IQSEC1: variants seen among roughly 807,000 people sequenced by gnomAD.
IQSEC1 encodes the protein IQ motif and Sec7 domain ArfGEF 1, also known as IQ motif and SEC7 domain-containing protein 1.
In IQSEC1, 31 loss-of-function variants were observed where a neutral mutation model predicts 91.0. The ratio of observed to expected loss-of-function variants is 0.34; its 90% confidence interval spans 0.26 to 0.46. The LOEUF is 0.46. Among genes scored for constraint, IQSEC1 ranks in the 20% least tolerant of loss-of-function variants. IQSEC1 has a pLI of 1.00. For missense variants in IQSEC1, 1,388 were observed against 1,575.6 expected, an observed-to-expected ratio of 0.88 and a Z score of 2.02; for synonymous variants, 699 against 662.6, an observed-to-expected ratio of 1.05 and a Z score of -0.84.
chr3:13,078,631 G>A (rs1273433498), intron 2 of IQSEC1, among the ~76,000 whole-genome samples: 1 of 152,116 alleles, frequency 6.6e-6, no homozygotes, highest in East Asian at 1.9e-4. Flanking sequence ...AGAGCTGCGT[G>A]AGTGCACACA....
At chr3:12,943,500 C>T (rs1417806422) in intron 1 of IQSEC1, among the ~76,000 whole-genome samples, 1 of 152,228 alleles carries the variant, frequency 6.6e-6, no homozygotes, top group East Asian at 1.9e-4. Context: ...TCACTCAACC[C>T]TGGGCTAGAA....
chr3:13,041,452 C>T (rs1178466296), intron 1 of IQSEC1, among the ~76,000 whole-genome samples: 3 of 152,166 alleles, frequency 2.0e-5, no homozygotes, highest in Non-Finnish European at 4.4e-5. Flanking sequence ...CAGAATTGCT[C>T]GTATGCTAAT....
chr3:13,154,319 A>T (rs1707046372), intron 2 of IQSEC1, among the ~76,000 whole-genome samples: 1 of 150,058 alleles, frequency 6.7e-6, no homozygotes, highest in Non-Finnish European at 1.5e-5. Context: ...GGCCTTCTGG[A>T]TCTTCCTCAG....
intron 1 of IQSEC1, among the ~76,000 whole-genome samples, chr3:13,220,109 C>T (rs1459062688): frequency 6.6e-6 from 1 of 152,226 alleles, no homozygotes; most frequent in Non-Finnish European, 1.5e-5. Context: ...CAGCTTTAGG[C>T]ACTTCAGTGC....
intron 8 of IQSEC1, among the ~76,000 whole-genome samples, chr3:12,914,459 G>A (rs1163297241): frequency 6.6e-6 from 1 of 152,198 alleles, no homozygotes; most frequent in Non-Finnish European, 1.5e-5. Flanking sequence ...TTAAGATGAG[G>A]GGGAAAATGT....
intron 2 of IQSEC1, among the ~76,000 whole-genome samples, chr3:13,081,394 A>G (rs1029886508): frequency 9.2e-5 from 14 of 152,170 alleles, no homozygotes; most frequent in Non-Finnish European, 1.0e-4. Flanking sequence ...TCGGCCTTCC[A>G]AAGTTCTGGG....
intron 1 of IQSEC1, among the ~76,000 whole-genome samples, chr3:13,242,425 G>A (rs1447911759): frequency 3.3e-5 from 5 of 152,184 alleles, no homozygotes; most frequent in Non-Finnish European, 5.9e-5. Flanking sequence ...GTGGGCATAC[G>A]GGGAATACCC....
chr3:12,905,776 C>T (rs1377630376), intron 12 of IQSEC1, among the ~76,000 whole-genome samples: 1 of 152,238 alleles, frequency 6.6e-6, no homozygotes, highest in African/African-American at 2.4e-5. Context: ...GCAGGCAGGT[C>T]CTCTCCGTAA....
At chr3:13,052,366 G>A (rs1056810729) in intron 1 of IQSEC1, among the ~76,000 whole-genome samples, 3 of 152,140 alleles carry the variant, frequency 2.0e-5, no homozygotes, top group Admixed American at 6.5e-5. Flanking sequence ...GCCACTCTTC[G>A]GCGTGGAGGG....
intron 2 of IQSEC1, among the ~76,000 whole-genome samples, chr3:13,081,495 C>T (rs1228373445): frequency 2.0e-5 from 3 of 152,192 alleles, no homozygotes; most frequent in Admixed American, 6.5e-5. Context: ...TCTCAAGCTC[C>T]TGGCACCAAT....
At chr3:12,916,240 C>T (rs998681451) in intron 6 of IQSEC1, among the ~76,000 whole-genome samples, 2 of 152,184 alleles carry the variant, frequency 1.3e-5, no homozygotes, top group Non-Finnish European at 2.9e-5. Flanking sequence ...ACCTTGCCCA[C>T]AGCACAGGCT....
At position 13,207,703 on chromosome 3, in the gene IQSEC1, C is replaced by A. The variant is rs1450631453; in HGVS notation, c.273-43570G>T. 6.6e-6 allele frequency among the ~76,000 whole-genome samples: 1 copy of A among 152,178 alleles called. No individual in the cohort carries two copies. Among genetic ancestry groups the A allele is most frequent in the Non-Finnish European group, 1.5e-5 (1 of 68,026 alleles). ...TTCGCCCCTCAGATTCCTGCAGGGG[C>A]TTATCCCTGCCATCAGCCGGCCACG... On this transcript the variant is annotated intron_variant, in intron 1 of 15. Transcript: ENST00000648114. The surrounding 1 kb of genome is among the most constrained non-coding windows in gnomAD (Gnocchi z 4.8).
Position 13,180,756 on chromosome 3 carries a change from G to A in IQSEC1, c.273-16623C>T, listed in dbSNP as rs571125985. 1.1e-3 allele frequency among the ~76,000 whole-genome samples: 158 copies of A among 146,596 alleles called. 1 individual carries two copies. Among genetic ancestry groups the A allele is most frequent in the Middle Eastern group, 0.01 (3 of 292 alleles). ...AGGAACGAACAACTCCAGACGTGCC[G>A]CCTTAAGAGCTGTAACACTCATCGC... is the stretch of plus-strand genomic sequence containing the variant. On this transcript the variant is annotated intron_variant, in intron 1 of 15. Transcript: ENST00000648114.
In IQSEC1 at chr3:12,909,562, G is replaced by A; in HGVS notation, c.2417-128C>T. The A allele has an allele frequency of 2.2e-6, 2 of 899,068 alleles. No individual in the cohort carries two copies. Among genetic ancestry groups the A allele is most frequent in the Non-Finnish European group, 3.4e-6 (2 of 587,034 alleles). The allele number at this position is 899,068 out of a possible 1,614,324, so 55.7% of individuals were successfully genotyped here. ...GCCTGGGATAAGTGCCGGGAGTCCAGCCTCCGCAGTGGCAGGCTGCAGGGG... is the reference window on the plus strand; with the variant it reads ...GCCTGGGATAAGTGCCGGGAGTCCAACCTCCGCAGTGGCAGGCTGCAGGGG... On this transcript the variant is annotated intron_variant, in intron 10 of 13. Transcript: ENST00000613206. This position sits in a 1 kb window ranked among gnomAD's most constrained non-coding sequence, Gnocchi z 4.9.
At chr3:12,938,697 G>C (rs535807958) in intron 2 of IQSEC1, among the ~76,000 whole-genome samples, 74 of 152,230 alleles carry the variant, frequency 4.9e-4, no homozygotes, top group African/African-American at 1.6e-3. Context: ...ACTGTACTTT[G>C]TGGGCGGCAC....
chr3:13,271,608 C>A (rs1302301219), intron 1 of IQSEC1, among the ~76,000 whole-genome samples: 6 of 151,848 alleles, frequency 4.0e-5, no homozygotes, highest in Admixed American at 3.9e-4. Context: ...CCAGCCTGGG[C>A]AACAAAGCAA....
intron 2 of IQSEC1, among the ~76,000 whole-genome samples, chr3:13,135,655 G>C (rs1706694574): frequency 6.6e-6 from 1 of 152,252 alleles, no homozygotes; most frequent in Non-Finnish European, 1.5e-5. Flanking sequence ...GCCGGAGTGG[G>C]TGGAGAGAAG....
At chr3:12,981,745 C>T (rs968264373) in intron 1 of IQSEC1, among the ~76,000 whole-genome samples, 1 of 152,198 alleles carries the variant, frequency 6.6e-6, no homozygotes, top group South Asian at 2.1e-4. Flanking sequence ...ACAAAGGACA[C>T]CCGGAAGAGC....
rs9833593 is a variant in IQSEC1, at chr3:13,232,734, G to T, written c.272+49977C>A. Among the ~76,000 whole-genome samples the T allele has an allele frequency of 5.2e-3, 795 of 152,312 alleles. 5 individuals carry two copies. Among genetic ancestry groups the T allele is most frequent in the African/African-American group, 0.017 (727 of 41,558 alleles). On this transcript the variant is annotated intron_variant, in intron 1 of 15. Transcript: ENST00000648114. The stretch of plus-strand genomic sequence containing the variant: ...AATATTATTAGGTAATAAATAAAGA[G>T]TAGTGTACCCCAGTGTCCACAGCTG...
Sources: gnomAD v4.1 joint callset for allele counts (sites outside exome capture counted in the v4.1 genomes callset) on GRCh38, gnomAD v4.1.1 for gene constraint, Gnocchi (gnomAD v3.1) non-coding constraint, MANE v1.5 for transcripts, NCBI Gene and HGNC (gene_info 2026-07-23, HGNC 2026-07-21) for gene names.